The following CNTNAP2 variants were observed in gnomAD, a reference collection of about 807,000 sequenced individuals.
CNTNAP2 encodes the protein contactin-associated protein-like 2.
In CNTNAP2, 98 loss-of-function variants were observed where a neutral mutation model predicts 155.2. The ratio of observed to expected loss-of-function variants is 0.63; its 90% confidence interval spans 0.54 to 0.75. CNTNAP2 has a LOEUF of 0.75. CNTNAP2 is among the 30% of genes least tolerant of loss of function. The pLI is 0.00. For missense variants in CNTNAP2, 1,727 were observed against 1,688.1 expected, an observed-to-expected ratio of 1.02 and a Z score of -0.40; for synonymous variants, 651 against 631.2, an observed-to-expected ratio of 1.03 and a Z score of -0.47.
At chr7:146,235,985 C>T (rs1273000416) in intron 1 of CNTNAP2, among the ~76,000 whole-genome samples, 8 of 148,258 alleles carry the variant, frequency 5.4e-5, no homozygotes, top group East Asian at 4.0e-4. Context: ...TGTGTGCGCG[C>T]GTATTTGTAA....
At chr7:146,749,244 TAC>T (rs1044848513) in intron 1 of CNTNAP2, among the ~76,000 whole-genome samples, 3 of 152,274 alleles carry the variant, frequency 2.0e-5, no homozygotes, top group Non-Finnish European at 2.9e-5. Context: ...TTTGTATCTA[TAC>T]ATATATGTGT....
At chr7:146,663,283 AAAAAAAAAAAAAAAAG>A (rs1376224549) in intron 1 of CNTNAP2, among the ~76,000 whole-genome samples, 8 of 110,788 alleles carry the variant, frequency 7.2e-5, no homozygotes, top group Non-Finnish European at 1.6e-4. Flanking sequence ...ATCTCAAAAA[AAAAAAAAAAAAAAAAG>A]AAAGAAAGAA....
chr7:146,785,302 T>G (rs1339317014), intron 2 of CNTNAP2, among the ~76,000 whole-genome samples: 2 of 152,148 alleles, frequency 1.3e-5, no homozygotes, highest in Non-Finnish European at 2.9e-5. Context: ...ATAGAGAGTC[T>G]TTAGTATTTT....
At chr7:147,322,332 AT>A (rs1436271608) in intron 9 of CNTNAP2, among the ~76,000 whole-genome samples, 5 of 152,230 alleles carry the variant, frequency 3.3e-5, no homozygotes, top group African/African-American at 1.2e-4. Context: ...GCTAATTAGC[AT>A]CTTTGTAATA....
intron 11 of CNTNAP2, 68 bp downstream of exon 11, chr7:147,486,109 T>C: frequency 1.5e-6 from 2 of 1,334,650 alleles, no homozygotes; most frequent in Non-Finnish European, 2.2e-6. Flanking sequence ...AGCTGTGCTT[T>C]GAAGCTCAGC....
intron 1 of CNTNAP2, among the ~76,000 whole-genome samples, chr7:146,187,382 C>T (rs1365021711): frequency 1.3e-5 from 2 of 152,142 alleles, no homozygotes; most frequent in Non-Finnish European, 2.9e-5. Flanking sequence ...AGGAAGTTCA[C>T]CCACTGAGAG....
chr7:147,275,372 C>T (rs961758704), intron 8 of CNTNAP2, among the ~76,000 whole-genome samples: 1 of 151,388 alleles, frequency 6.6e-6, no homozygotes, highest in Non-Finnish European at 1.5e-5. Context: ...GATCTTTCAC[C>T]TCCTTGGCTA....
At chr7:146,201,153 G>T (rs116047829) in intron 1 of CNTNAP2, among the ~76,000 whole-genome samples, 3,136 of 151,884 alleles carry the variant, frequency 0.021, 96 homozygotes, top group African/African-American at 0.066. Flanking sequence ...TTTTCTTATG[G>T]TATCAATGAG....
At chr7:147,200,758 G>C (rs10228717) in intron 8 of CNTNAP2, among the ~76,000 whole-genome samples, 6,421 of 152,296 alleles carry the variant, frequency 0.042, 184 homozygotes, top group African/African-American at 0.072. Flanking sequence ...ATGCAGGAGG[G>C]AGGAATTCAT....
chr7:147,644,216 G>A (rs371578719), intron 13 of CNTNAP2, among the ~76,000 whole-genome samples: 34 of 152,276 alleles, frequency 2.2e-4, no homozygotes, highest in East Asian at 1.2e-3. Flanking sequence ...CCAAATGGAT[G>A]TCTACATGAT....
chr7:148,070,065 C>T (rs1208205125), intron 15 of CNTNAP2, among the ~76,000 whole-genome samples: 1 of 152,180 alleles, frequency 6.6e-6, no homozygotes, highest in East Asian at 1.9e-4. Flanking sequence ...TAAAAAATGG[C>T]ATGGCTCAGA....
At chr7:146,288,762 T>C (rs979683102) in intron 1 of CNTNAP2, among the ~76,000 whole-genome samples, 1 of 150,930 alleles carries the variant, frequency 6.6e-6, no homozygotes, top group African/African-American at 2.4e-5. Context: ...TGCCTATAAG[T>C]GTAAAGGCAA....
intron 15 of CNTNAP2, among the ~76,000 whole-genome samples, chr7:148,082,386 C>T (rs1365214708): frequency 1.3e-5 from 2 of 152,156 alleles, no homozygotes; most frequent in Non-Finnish European, 2.9e-5. Context: ...TGAGGTTTTT[C>T]TCTTATGAGT....
intron 8 of CNTNAP2, among the ~76,000 whole-genome samples, chr7:147,187,548 G>T (rs975769158): frequency 6.6e-6 from 1 of 152,076 alleles, no homozygotes; most frequent in Non-Finnish European, 1.5e-5. Context: ...ACTTGTAAGT[G>T]GGAACTAAAC....
rs995990750 is a variant in CNTNAP2 at position 147,830,660 on chromosome 7, A to G, written c.2099-72905A>G. On this transcript the variant is annotated intron_variant, in intron 13 of 23. Coordinates refer to ENST00000361727, the MANE Select transcript of CNTNAP2 (RefSeq NM_014141.6). ...ACTGCCTACTATTTGCCAAGCATGGAAAGACCATATAATGGGTTGGAGGGA... is the reference window on the plus strand; with the variant it reads ...ACTGCCTACTATTTGCCAAGCATGGGAAGACCATATAATGGGTTGGAGGGA... Among the ~76,000 whole-genome samples the G allele has an allele frequency of 5.3e-5, 8 of 152,210 alleles. No homozygotes were observed. The South Asian group carries it at 1.7e-3, about 32-fold the overall frequency.
intron 1 of CNTNAP2, among the ~76,000 whole-genome samples, chr7:146,238,292 G>A (rs1799506550): frequency 6.6e-6 from 1 of 152,162 alleles, no homozygotes; most frequent in South Asian, 2.1e-4. Flanking sequence ...ACATTTAAGT[G>A]GGTTAACAGA....
chr7:147,871,633 A>T (rs75508651), intron 13 of CNTNAP2, among the ~76,000 whole-genome samples: 1 of 147,282 alleles, frequency 6.8e-6, no homozygotes, highest in Non-Finnish European at 1.5e-5. Context: ...CAATTTCTTT[A>T]TCCACCCATT....
intron 1 of CNTNAP2, among the ~76,000 whole-genome samples, chr7:146,253,138 T>C (rs1799782605): frequency 6.6e-6 from 1 of 152,232 alleles, no homozygotes; most frequent in Admixed American, 6.5e-5. Flanking sequence ...TCCTGACTCA[T>C]CTCTTGCCTT....
intron 2 of CNTNAP2, among the ~76,000 whole-genome samples, chr7:146,812,442 A>AAATATATATATATATATATATATAT (rs1206681484): frequency 2.8e-5 from 4 of 141,774 alleles, no homozygotes; most frequent in African/African-American, 1.1e-4. Flanking sequence ...TATATATATA[A>AAATATATATATATATATATATATAT]AAAATATATA....
Sources: allele counts gnomAD v4.1 joint callset (sites outside exome capture counted in the v4.1 genomes callset), GRCh38; gene constraint gnomAD v4.1.1; transcripts MANE v1.5; gene names NCBI Gene and HGNC (gene_info 2026-07-23, HGNC 2026-07-21).